Variants in MAPK11 observed in about 807,000 individuals in gnomAD.
The protein encoded by MAPK11 is mitogen-activated protein kinase 11, also known as MAP kinase 11.
Under a neutral mutation model 52.2 loss-of-function variants are expected in MAPK11, and 44 were observed. The ratio of observed to expected loss-of-function variants is 0.84; its 90% CI spans 0.66 to 1.08. MAPK11 has a LOEUF of 1.08. Among genes scored for constraint, MAPK11 ranks in the 50% least tolerant of loss-of-function variants. MAPK11 has a pLI of 0.00. For synonymous variants in MAPK11, 233 were observed against 206.3 expected (o/e 1.13, Z -1.11); for missense variants, 436 against 494.7 (o/e 0.88, Z 1.13).
Position 50,265,370 on chromosome 22 carries a change from T to C in MAPK11, c.966A>G (p.Pro322=). ...CCTTGGCCTCAACGCTCTCATCATA[T>C]GGCTCGGCCTCTGGCTCATCCTCGG... ...HDPEDEPEAE[P]YDESVEAKER... The change falls in exon 11 of 12, where the codon CCA becomes CCG. Residue 322 remains proline (P), a synonymous_variant. Transcript: ENST00000330651. 6.2e-7 allele frequency: 1 copy of C among 1,613,174 alleles called. No homozygotes were observed. Among genetic ancestry groups the C allele is most frequent in the Non-Finnish European group, 8.5e-7 (1 of 1,179,992 alleles).
intron 9 of MAPK11, 47 bp downstream of exon 9, chr22:50,266,179 G>A (rs765988992): frequency 2.0e-6 from 3 of 1,464,464 alleles, no homozygotes; most frequent in Non-Finnish European, 2.8e-6. Flanking sequence ...GAGAGCCTGG[G>A]GGCTCAGCCA....
chr22:50,267,097 GCCCTGCCCAC>G lies in MAPK11; in HGVS notation c.495+20_495+29del. 1.2e-6 allele frequency: 2 copies of G among 1,610,934 alleles called. No homozygotes were observed. Among genetic ancestry groups the G allele is most frequent in the Non-Finnish European group, 1.7e-6 (2 of 1,179,082 alleles). Reference sequence around the variant, plus strand: ...CAAGCTCCGCACGGGCTCCGCCGCCGCCCTGCCCACCCCTGCCCACGGGCCTCACCCTGAG... The same window carrying G: ...CAAGCTCCGCACGGGCTCCGCCGCCGCCCTGCCCACGGGCCTCACCCTGAG... On this transcript the variant is annotated intron_variant, in intron 6 of 11. Coordinates refer to ENST00000330651, the MANE Select transcript of MAPK11 (RefSeq NM_002751.7).
chr22:50,266,678 G>T, intron 7 of MAPK11, 67 bp from the exon 8 acceptor site: 1 of 1,463,342 alleles, frequency 6.8e-7, no homozygotes, highest in Non-Finnish European at 9.5e-7. Flanking sequence ...GAGACCCACA[G>T]TCACATCCAG....
chr22:50,269,542 C>T (rs1414241086), intron 1 of MAPK11, among the ~76,000 whole-genome samples: 3 of 152,226 alleles, frequency 2.0e-5, no homozygotes, highest in South Asian at 4.1e-4. Flanking sequence ...TCACCCTAAG[C>T]CCCTCCAGCC....
Position 50,270,157 on chromosome 22 carries a change from C to A in MAPK11, c.116+20G>T, listed in dbSNP as rs1324860900. On this transcript the variant is annotated intron_variant, in intron 1 of 11. Transcript: ENST00000330651. This position sits in a 1 kb window ranked among gnomAD's most constrained non-coding sequence, Gnocchi z 6.3. The stretch of plus-strand genomic sequence containing the variant: ...GCCCGGCCCGGCCCCCACCCAGCAC[C>A]CCTTCTGCCCCGCCCCTACCAGACG... 7 of 1,319,180 alleles carry A rather than the reference C, an allele frequency of 5.3e-6. No individual in the cohort carries two copies. The highest frequency in any genetic ancestry group is 6.9e-6 in the Non-Finnish European group (7 of 1,013,188). 81.7% of individuals were successfully genotyped at this position (1,319,180 alleles called of 1,614,324 possible).
At chr22:50,268,866 T>C (rs866751060) in intron 1 of MAPK11, among the ~76,000 whole-genome samples, 38 of 152,122 alleles carry the variant, frequency 2.5e-4, no homozygotes, top group African/African-American at 8.5e-4. Flanking sequence ...GGGGCAGCCA[T>C]GCTCCCAGCC....
At chr22:50,268,923 G>A (rs2065287036) in intron 1 of MAPK11, among the ~76,000 whole-genome samples, 1 of 152,112 alleles carries the variant, frequency 6.6e-6, no homozygotes, top group African/African-American at 2.4e-5. Flanking sequence ...GAGTGGCCCT[G>A]CACGTGGGGC....
At position 50,267,622 on chromosome 22, in the gene MAPK11, G is replaced by T; in HGVS notation, c.252C>A (p.Ile84=). The change falls in exon 3 of 12, where the codon ATC becomes ATA. Residue 84 remains isoleucine, a synonymous_variant. Coordinates refer to ENST00000330651, the MANE Select transcript of MAPK11 (RefSeq NM_002751.7). Reference sequence around the variant, plus strand: ...CCGGCGTGAAGACGTCCAGAAGCCCGATGACCTAGGTGGCGGGGGGCGTCA... The same window carrying T: ...CCGGCGTGAAGACGTCCAGAAGCCCTATGACCTAGGTGGCGGGGGGCGTCA... ...LLKHLKHENV[I]GLLDVFTPAT... is the part of the protein sequence containing the mutation. The T allele has an allele frequency of 6.5e-7, 1 of 1,540,532 alleles. No homozygotes were observed.
chr22:50,267,905 T>C lies in MAPK11; in HGVS notation c.161A>G (p.Lys54Arg). The C allele has an allele frequency of 6.3e-7, 1 of 1,586,874 alleles. No individual in the cohort carries two copies. Among genetic ancestry groups the C allele is most frequent in the South Asian group, 1.1e-5 (1 of 87,310 alleles). ...CAGCGACTGGAAGGGGCGCGACAGC[T>C]TCTTCACCGCCACCTTCTGGCGCAG... ...ARLRQKVAVK[K>R]LSRPFQSLIH... The change falls in exon 2 of 12, where the codon AAG (lysine) becomes AGG (arginine). Residue 54 changes from lysine to arginine, a missense_variant. By Grantham distance (26) the Lys-to-Arg change is conservative. Transcript: ENST00000330651.
chr22:50,265,945 C>T (rs2065258828), intron 9 of MAPK11, among the ~76,000 whole-genome samples: 1 of 133,342 alleles, frequency 7.5e-6, no homozygotes, highest in African/African-American at 2.7e-5. Flanking sequence ...ACCCCCACTG[C>T]CCTGGCCAGG....
At chr22:50,268,342 C>T (rs1468226099) in intron 1 of MAPK11, among the ~76,000 whole-genome samples, 1 of 152,212 alleles carries the variant, frequency 6.6e-6, no homozygotes, top group African/African-American at 2.4e-5. Flanking sequence ...CTCCCTCTGC[C>T]CCATAGACCC....
rs2065248293 is a variant in MAPK11 at position 50,264,715 on chromosome 22, C to G, written c.*233G>C. The G allele has an allele frequency of 1.4e-5, 7 of 492,612 alleles. No individual in the cohort carries two copies. The highest frequency in any genetic ancestry group is 1.8e-5 in the Non-Finnish European group (5 of 270,788). The allele number at this position is 492,612 out of a possible 1,614,324, so 30.5% of individuals were successfully genotyped here. A position where few individuals can be genotyped will look rare whatever the true frequency, so the allele number is the denominator to read the frequency against. On this transcript the variant is annotated 3_prime_UTR_variant, in exon 12 of 12. Coordinates refer to ENST00000330651, the MANE Select transcript of MAPK11 (RefSeq NM_002751.7). Reference sequence around the variant, plus strand: ...CAGTAGCCAGAAGAGGACAGGAGGACCAAGGTAGGCCCAGGGACACTTGTG... The same window carrying G: ...CAGTAGCCAGAAGAGGACAGGAGGAGCAAGGTAGGCCCAGGGACACTTGTG...
chr22:50,265,425 G>A lies in MAPK11; in HGVS notation c.911C>T (p.Ala304Val). The A allele has an allele frequency of 6.2e-7, 1 of 1,613,162 alleles. No individual in the cohort carries two copies. Among genetic ancestry groups the A allele is most frequent in the Middle Eastern group, 1.6e-4 (1 of 6,062 alleles). Residue 304 changes from alanine to valine, a missense_variant, in exon 11 of 12, where the codon GCC becomes GTC. Physicochemically the swap from Ala to Val is moderately conservative, Grantham distance 64. Transcript: ENST00000330651. ...GTGGTACTGGCTGAAGTAGGCGTGGGCCAGTGCCTCAGCTGCACTGACCCT... is the reference window on the plus strand; with the variant it reads ...GTGGTACTGGCTGAAGTAGGCGTGGACCAGTGCCTCAGCTGCACTGACCCT... ...DQRVSAAEAL[A>V]HAYFSQYHDP...
intron 8 of MAPK11, 24 bp from the exon 9 acceptor site, chr22:50,266,329 C>G (rs368232733): frequency 1.3e-6 from 2 of 1,590,734 alleles, no homozygotes; most frequent in African/African-American, 2.7e-5. Flanking sequence ...GAAACACCCA[C>G]GGGCCAGCCA....
intron 1 of MAPK11, 41 bp from the exon 2 acceptor site, chr22:50,267,990 AGGGCGGCCGCACGCGCGTGGACCC>A (rs1206616027): frequency 6.7e-7 from 1 of 1,482,868 alleles, no homozygotes; most frequent in Non-Finnish European, 9.0e-7. Flanking sequence ...GAGGGGTCCG[AGGGCGGCCGCACGCGCGTGGACCC>A]GGGCGGCGTC....
At chr22:50,268,824 T>C (rs759552869) in intron 1 of MAPK11, among the ~76,000 whole-genome samples, 5 of 152,208 alleles carry the variant, frequency 3.3e-5, no homozygotes, top group Admixed American at 6.5e-5. Flanking sequence ...CTGCTGGGTC[T>C]GGGATGCTCA....
intron 7 of MAPK11, 150 bp downstream of exon 7, chr22:50,266,784 C>G: frequency 1.0e-6 from 1 of 958,248 alleles, no homozygotes; most frequent in Non-Finnish European, 1.6e-6. Context: ...CAGCACCCAT[C>G]ATGCTCTAGC....
Position 50,267,643 on chromosome 22 carries a change from C to G in MAPK11, c.247-16G>C. On this transcript the variant is annotated splice_polypyrimidine_tract_variant and intron_variant, in intron 2 of 11. Coordinates refer to ENST00000330651, the MANE Select transcript of MAPK11 (RefSeq NM_002751.7). ...GCCCGATGACCTAGGTGGCGGGGGGCGTCAGGGCCGGGCGACGAACCCCCG... is the reference window on the plus strand; with the variant it reads ...GCCCGATGACCTAGGTGGCGGGGGGGGTCAGGGCCGGGCGACGAACCCCCG... 1 of 1,528,712 alleles carries G rather than the reference C, an allele frequency of 6.5e-7. No individual in the cohort carries two copies. Among genetic ancestry groups the G allele is most frequent in the Non-Finnish European group, 8.8e-7 (1 of 1,139,780 alleles). The allele number at this position is 1,528,712 out of a possible 1,614,324, so 94.7% of individuals were successfully genotyped here.
Position 50,267,295 on chromosome 22 carries a change from G to C in MAPK11, c.418-9C>G. The C allele has an allele frequency of 6.3e-7, 1 of 1,599,624 alleles. No individual in the cohort carries two copies. The highest frequency in any genetic ancestry group is 8.5e-7 in the Non-Finnish European group (1 of 1,174,866). On this transcript the variant is annotated splice_polypyrimidine_tract_variant and intron_variant, in intron 4 of 11. Transcript: ENST00000330651. Reference sequence around the variant, plus strand: ...CCGGCCGAGTGGATGTACTGCGGGAGGGGGATTGTGGTGAGCGCCGGGCCC... The same window carrying C: ...CCGGCCGAGTGGATGTACTGCGGGACGGGGATTGTGGTGAGCGCCGGGCCC...
Sources: allele counts gnomAD v4.1 joint callset (sites outside exome capture counted in the v4.1 genomes callset), GRCh38; gene constraint gnomAD v4.1.1; non-coding constraint Gnocchi (gnomAD v3.1); transcripts MANE v1.5; gene names NCBI Gene and HGNC (gene_info 2026-07-23, HGNC 2026-07-21).